The following HYAL4 variants were observed in gnomAD, a reference collection of about 807,000 sequenced individuals.
The protein encoded by HYAL4 is hyaluronidase-4.
In HYAL4, 37 loss-of-function variants were observed where a neutral mutation model predicts 35.2. The ratio of observed to expected loss-of-function variants is 1.05; its 90% CI spans 0.81 to 1.38. The LOEUF (loss-of-function observed/expected upper bound fraction) is 1.38, where lower values mean the gene tolerates loss of function less well. Ranked by LOEUF, HYAL4 falls within the 40% of genes most tolerant of loss-of-function variation. HYAL4 has a pLI of 0.00. For synonymous variants in HYAL4, 198 were observed against 203.2 expected (o/e 0.97, Z 0.22); for missense variants, 572 against 572.4 (o/e 1.00, Z 0.01).
the HYAL4 span, among the ~76,000 whole-genome samples, chr7:123,795,389 G>A: frequency 6.6e-6 from 1 of 152,310 alleles, no homozygotes; most frequent in East Asian, 1.9e-4. Context: ...AGATTTGGGA[G>A]GGGCCAGGAG....
rs1462622470 is a variant in HYAL4 at position 123,869,879 on chromosome 7, G to A, written c.954+652G>A. 2.7e-5 allele frequency among the ~76,000 whole-genome samples: 4 copies of A among 146,304 alleles called. No homozygotes were observed. The South Asian group carries it at 8.6e-4, about 31-fold the overall frequency. On this transcript the variant is annotated intron_variant, in intron 3 of 4. Coordinates refer to ENST00000223026, the MANE Select transcript of HYAL4 (RefSeq NM_012269.3). ...TAATTTTTGTACTTTTAGTAAAGAC[G>A]GGGTTTCACCATGTTGGACAGGCTG... is the stretch of plus-strand genomic sequence containing the variant.
At chr7:123,786,593 G>A in the HYAL4 span, among the ~76,000 whole-genome samples, 3 of 152,018 alleles carry the variant, frequency 2.0e-5, no homozygotes, top group Non-Finnish European at 2.9e-5. Flanking sequence ...TTCCAATGGG[G>A]AAACATTAAA....
chr7:123,873,198 G>C (rs941635378), intron 3 of HYAL4, among the ~76,000 whole-genome samples: 3 of 152,022 alleles, frequency 2.0e-5, no homozygotes, highest in Non-Finnish European at 4.4e-5. Context: ...CCTGTTCATC[G>C]TGCCATTGAC....
the HYAL4 span, among the ~76,000 whole-genome samples, chr7:123,796,548 C>T: frequency 1.3e-5 from 2 of 152,184 alleles, no homozygotes; most frequent in African/African-American, 4.8e-5. Flanking sequence ...TCTGTTGACA[C>T]ACAGAATTAC....
At chr7:123,826,518 C>A (rs1211471854), upstream of HYAL4, among the ~76,000 whole-genome samples, 3 of 152,124 alleles carry the variant, frequency 2.0e-5, no homozygotes, top group African/African-American at 7.2e-5. Flanking sequence ...TTGAAAATTA[C>A]TTTGGATGTA....
At chr7:123,834,009 CAGGTA>C (rs1805922986) in intron 1 of HYAL4, among the ~76,000 whole-genome samples, 1 of 152,062 alleles carries the variant, frequency 6.6e-6, no homozygotes, top group Non-Finnish European at 1.5e-5. Context: ...AGTTTGAAAT[CAGGTA>C]GTGTGATGCT....
chr7:123,813,082 G>A, the HYAL4 span, among the ~76,000 whole-genome samples: 12 of 152,114 alleles, frequency 7.9e-5, no homozygotes, highest in South Asian at 2.1e-4. Flanking sequence ...GAGAGTTAGC[G>A]TACAATTTTG....
chr7:123,844,834 G>A (rs970899405), upstream of HYAL4, among the ~76,000 whole-genome samples: 14 of 152,188 alleles, frequency 9.2e-5, no homozygotes, highest in African/African-American at 3.1e-4. Flanking sequence ...GGGACCCACC[G>A]AGCCAGGCAC....
At chr7:123,801,829 T>G in the HYAL4 span, among the ~76,000 whole-genome samples, 1 of 152,212 alleles carries the variant, frequency 6.6e-6, no homozygotes, top group East Asian at 1.9e-4. Flanking sequence ...GGTATTAAAA[T>G]GTGCACTACT....
intron 2 of HYAL4, among the ~76,000 whole-genome samples, chr7:123,862,565 G>C (rs1210705837): frequency 6.6e-6 from 1 of 152,048 alleles, no homozygotes; most frequent in Non-Finnish European, 1.5e-5. Context: ...CATCGCACTG[G>C]GTGTTTGAGA....
At chr7:123,841,948 T>C (rs1806079631), upstream of HYAL4, among the ~76,000 whole-genome samples, 1 of 152,050 alleles carries the variant, frequency 6.6e-6, no homozygotes, top group Non-Finnish European at 1.5e-5. Context: ...AACCAGCTCC[T>C]GGATTCATTG....
the HYAL4 span, among the ~76,000 whole-genome samples, chr7:123,786,749 T>TCTAG: frequency 1.7e-4 from 26 of 151,802 alleles, no homozygotes; most frequent in African/African-American, 6.1e-4. Context: ...TATCTATCTA[T>TCTAG]CTATCTTTCA....
At chr7:123,805,016 C>T in the HYAL4 span, among the ~76,000 whole-genome samples, 1 of 152,118 alleles carries the variant, frequency 6.6e-6, no homozygotes, top group Non-Finnish European at 1.5e-5. Context: ...AGCCTTTCTT[C>T]CCCAGGTGGT....
the HYAL4 span, among the ~76,000 whole-genome samples, chr7:123,791,705 A>T: frequency 6.6e-6 from 1 of 152,204 alleles, no homozygotes; most frequent in African/African-American, 2.4e-5. Context: ...GTTCAACAGT[A>T]GTTGAGCATG....
At chr7:123,781,768 A>G in the HYAL4 span, among the ~76,000 whole-genome samples, 2 of 152,240 alleles carry the variant, frequency 1.3e-5, no homozygotes, top group African/African-American at 4.8e-5. Context: ...TTGAGTTAAA[A>G]TAGTATTAAA....
intron 2 of HYAL4, among the ~76,000 whole-genome samples, chr7:123,850,366 T>G (rs1269134654): frequency 6.6e-6 from 1 of 152,124 alleles, no homozygotes; most frequent in Non-Finnish European, 1.5e-5. Context: ...TTCAGCCTCC[T>G]GAGTATCTGG....
chr7:123,860,910 T>C (rs1806563201), intron 2 of HYAL4, among the ~76,000 whole-genome samples: 2 of 152,202 alleles, frequency 1.3e-5, no homozygotes, highest in South Asian at 2.1e-4. Context: ...TACAGAGAGA[T>C]AGATGATAGG....
chr7:123,791,878 A>T, the HYAL4 span, among the ~76,000 whole-genome samples: 2 of 152,206 alleles, frequency 1.3e-5, no homozygotes, highest in Non-Finnish European at 1.5e-5. Flanking sequence ...CTGTTCCCAT[A>T]CAAGGACTTG....
At chr7:123,769,338 G>C in the HYAL4 span, among the ~76,000 whole-genome samples, 1 of 152,158 alleles carries the variant, frequency 6.6e-6, no homozygotes, top group African/African-American at 2.4e-5. Context: ...TTAGCAGTTA[G>C]GCTGTGTATA....
Sources: allele counts gnomAD v4.1 joint callset (sites outside exome capture counted in the v4.1 genomes callset), GRCh38; gene constraint gnomAD v4.1.1; transcripts MANE v1.5; gene names NCBI Gene and HGNC (gene_info 2026-07-23, HGNC 2026-07-21).